FAAH2: variants seen among roughly 807,000 people sequenced by gnomAD.
FAAH2 encodes fatty acid amide hydrolase 2, also known as fatty-acid amide hydrolase 2.
Under a neutral mutation model 36.9 loss-of-function variants are expected in FAAH2, and 60 were observed. That is an observed-to-expected ratio of 1.63 (90% CI 1.32 to 2.02). The LOEUF is 2.02. Ranked by LOEUF, FAAH2 falls within the 30% of genes most tolerant of loss-of-function variation. The pLI, the probability that FAAH2 is intolerant of heterozygous loss-of-function variation, is 0.00. For missense variants in FAAH2, 689 were observed against 397.5 expected, an observed-to-expected ratio of 1.73 and a Z score of -6.23; for synonymous variants, 214 against 143.8, an observed-to-expected ratio of 1.49 and a Z score of -3.49.
chrX:57,454,140 C>G (rs1276616159), intron 10 of FAAH2, among the ~76,000 whole-genome samples: 1 of 111,691 alleles, frequency 9.0e-6, no homozygotes, highest in Non-Finnish European at 1.9e-5. Flanking sequence ...GTAGGAAGAG[C>G]CTATCTGCCT....
chrX:57,389,707 C>T (rs1275656880), intron 7 of FAAH2, among the ~76,000 whole-genome samples: 1 of 110,602 alleles, frequency 9.0e-6, no homozygotes, highest in African/African-American at 3.3e-5. Context: ...CTTAGAGATC[C>T]TGATTTGAAT....
At chrX:57,131,960 G>C in the FAAH2 span, among the ~76,000 whole-genome samples, 1 of 112,006 alleles carries the variant, frequency 8.9e-6, no homozygotes, top group East Asian at 2.8e-4. Context: ...GATCAATTGT[G>C]TGAGTGTGAT....
the FAAH2 span, among the ~76,000 whole-genome samples, chrX:57,141,040 G>GT: frequency 8.9e-6 from 1 of 111,771 alleles, no homozygotes; most frequent in Admixed American, 9.5e-5. Flanking sequence ...AGGCTTTCAG[G>GT]TTTTTTCCCA....
chrX:57,269,699 C>A, the FAAH2 span, among the ~76,000 whole-genome samples: 3 of 111,396 alleles, frequency 2.7e-5, no homozygotes, highest in Non-Finnish European at 5.7e-5. Context: ...ATACAATATA[C>A]CAGAATCTCT....
intron 7 of FAAH2, among the ~76,000 whole-genome samples, chrX:57,383,405 T>A (rs754514844): frequency 2.1e-4 from 23 of 112,161 alleles, no homozygotes; most frequent in African/African-American, 7.1e-4. Flanking sequence ...GCTGATGACA[T>A]GATTGTATAT....
At chrX:57,478,297 GTGTC>G (rs1216558316) in intron 10 of FAAH2, among the ~76,000 whole-genome samples, 1 of 111,702 alleles carries the variant, frequency 9.0e-6, no homozygotes, top group African/African-American at 3.3e-5. Flanking sequence ...CTTTTGAGAA[GTGTC>G]TGTTCATGTC....
the FAAH2 span, among the ~76,000 whole-genome samples, chrX:57,273,407 C>T: frequency 8.1e-5 from 9 of 111,232 alleles, no homozygotes; most frequent in Non-Finnish European, 1.7e-4. Flanking sequence ...TGGAGCAAGC[C>T]GACCTAATAG....
chrX:57,179,587 C>T, the FAAH2 span, among the ~76,000 whole-genome samples: 1 of 111,747 alleles, frequency 8.9e-6, no homozygotes, highest in African/African-American at 3.3e-5. Context: ...AACACATATG[C>T]ACCCAATACA....
intron 7 of FAAH2, among the ~76,000 whole-genome samples, chrX:57,390,379 G>T (rs1196965715): frequency 1.8e-5 from 2 of 111,248 alleles, no homozygotes. Context: ...TGTGCATGTT[G>T]TTAAATGGAT....
chrX:57,238,710 T>A, the FAAH2 span, among the ~76,000 whole-genome samples: 2 of 112,092 alleles, frequency 1.8e-5, no homozygotes, highest in African/African-American at 6.5e-5. Context: ...CTGGGCAAAT[T>A]GCACGTCAGG....
chrX:57,234,037 G>T, the FAAH2 span, among the ~76,000 whole-genome samples: 1 of 112,443 alleles, frequency 8.9e-6, no homozygotes, highest in Non-Finnish European at 1.9e-5. Flanking sequence ...TTTGAACTTT[G>T]GATAATGAAT....
At chrX:57,433,412 G>A (rs1022339068) in intron 8 of FAAH2, among the ~76,000 whole-genome samples, 4 of 111,337 alleles carry the variant, frequency 3.6e-5, no homozygotes, top group Non-Finnish European at 7.5e-5. Context: ...AAGGGATGTG[G>A]CCATTTTCTA....
intron 2 of FAAH2, among the ~76,000 whole-genome samples, chrX:57,306,155 C>T (rs2052517054): frequency 8.9e-6 from 1 of 111,931 alleles, no homozygotes; most frequent in Admixed American, 9.5e-5. Context: ...CACCCTTCTG[C>T]TTCTTTTTGT....
the FAAH2 span, among the ~76,000 whole-genome samples, chrX:57,168,385 TACACACACACAC>T: frequency 2.9e-5 from 3 of 104,600 alleles, no homozygotes; most frequent in Admixed American, 2.1e-4. Flanking sequence ...ATATGTGTGT[TACACACACACAC>T]ACACACACAC....
chrX:57,279,580 C>T, the FAAH2 span, among the ~76,000 whole-genome samples: 2 of 110,282 alleles, frequency 1.8e-5, no homozygotes, highest in Non-Finnish European at 3.8e-5. Flanking sequence ...CACATGTAAC[C>T]CCAAACTTAA....
chrX:57,414,266 AGAGGGCATCTTT>A (rs1396651814), intron 7 of FAAH2, among the ~76,000 whole-genome samples: 2 of 112,057 alleles, frequency 1.8e-5, no homozygotes, highest in Non-Finnish European at 3.8e-5. Flanking sequence ...GAGTGGTGAG[AGAGGGCATCTTT>A]GTCTTGTGCC....
At chrX:57,249,795 C>T in the FAAH2 span, among the ~76,000 whole-genome samples, 3 of 111,912 alleles carry the variant, frequency 2.7e-5, no homozygotes, top group South Asian at 7.5e-4. Context: ...ATTTAAAATC[C>T]ATTTTAATTT....
chrX:57,165,009 G>T, the FAAH2 span, among the ~76,000 whole-genome samples: 3 of 112,325 alleles, frequency 2.7e-5, no homozygotes, highest in Non-Finnish European at 5.6e-5. Flanking sequence ...AGATAAAATG[G>T]AAATAAAATA....
At chrX:57,199,470 A>T in the FAAH2 span, among the ~76,000 whole-genome samples, 1 of 110,945 alleles carries the variant, frequency 9.0e-6, no homozygotes, top group Admixed American at 9.6e-5. Context: ...CGATTTTTTG[A>T]ATGCTTTAAG....
Sources: allele counts gnomAD v4.1 joint callset (sites outside exome capture counted in the v4.1 genomes callset), GRCh38; gene constraint gnomAD v4.1.1; transcripts MANE v1.5; gene names NCBI Gene and HGNC (gene_info 2026-07-23, HGNC 2026-07-21).